Variants in PPFIA2 observed in about 807,000 individuals in gnomAD.
PPFIA2 encodes liprin-alpha-2.
PPFIA2 carries 46 observed loss-of-function variants against 175.5 expected under a neutral mutation model. The observed-to-expected ratio is 0.26, with a 90% CI of 0.21 to 0.34. The LOEUF is 0.34. Among genes scored for constraint, PPFIA2 ranks in the 10% least tolerant of loss-of-function variants. The pLI, the probability that PPFIA2 is intolerant of heterozygous loss-of-function variation, is 1.00. For missense variants in PPFIA2, 1,179 were observed against 1,506.1 expected, an observed-to-expected ratio of 0.78 and a Z score of 3.60; for synonymous variants, 568 against 511.4, an observed-to-expected ratio of 1.11 and a Z score of -1.49.
At chr12:81,551,681 T>A (rs2153369964) in intron 4 of PPFIA2, among the ~76,000 whole-genome samples, 1 of 152,090 alleles carries the variant, frequency 6.6e-6, no homozygotes, top group African/African-American at 2.4e-5. Flanking sequence ...TTTTTATAGT[T>A]ACTTATTTGT....
At chr12:81,658,166 G>T (rs901170026) in intron 4 of PPFIA2, among the ~76,000 whole-genome samples, 3 of 151,774 alleles carry the variant, frequency 2.0e-5, no homozygotes, top group Non-Finnish European at 4.4e-5. Flanking sequence ...TACTTGGGAG[G>T]CTGAGGCAGG....
At chr12:81,554,997 T>C (rs892157815) in intron 4 of PPFIA2, among the ~76,000 whole-genome samples, 58 of 151,940 alleles carry the variant, frequency 3.8e-4, no homozygotes, top group African/African-American at 1.4e-3. Flanking sequence ...AGAGTACAGT[T>C]TGTGATCAAA....
chr12:81,689,805 C>T (rs2075001334), intron 3 of PPFIA2, among the ~76,000 whole-genome samples: 1 of 151,966 alleles, frequency 6.6e-6, no homozygotes, highest in Admixed American at 6.6e-5. Flanking sequence ...ATACTTCCTC[C>T]CAAATGTAAC....
At chr12:81,327,833 T>C (rs1177009342) in intron 21 of PPFIA2, among the ~76,000 whole-genome samples, 1 of 152,140 alleles carries the variant, frequency 6.6e-6, no homozygotes, top group African/African-American at 2.4e-5. Flanking sequence ...AGACATTTTA[T>C]TTTCTCATAA....
intron 4 of PPFIA2, among the ~76,000 whole-genome samples, chr12:81,649,544 A>C (rs2066689502): frequency 6.6e-6 from 1 of 152,220 alleles, no homozygotes; most frequent in Non-Finnish European, 1.5e-5. Context: ...TGGAAAACAT[A>C]GAAATTCTAC....
At chr12:81,646,010 GA>G (rs1420536100) in intron 4 of PPFIA2, among the ~76,000 whole-genome samples, 1 of 152,164 alleles carries the variant, frequency 6.6e-6, no homozygotes, top group Non-Finnish European at 1.5e-5. Context: ...AGAGAGACAG[GA>G]AACCCTTCCA....
chr12:81,705,556 C>T (rs114581436), intron 3 of PPFIA2, among the ~76,000 whole-genome samples: 270 of 151,618 alleles, frequency 1.8e-3, no homozygotes, highest in African/African-American at 6.2e-3. Context: ...GGAAGATAAT[C>T]CTATGAACCT....
chr12:81,273,888 C>G (rs1049988057), intron 28 of PPFIA2, among the ~76,000 whole-genome samples: 2 of 151,406 alleles, frequency 1.3e-5, no homozygotes, highest in African/African-American at 2.4e-5. Flanking sequence ...TCCCCGCCCC[C>G]CCCCAAACCG....
intron 4 of PPFIA2, among the ~76,000 whole-genome samples, chr12:81,658,684 C>A (rs1298417542): frequency 1.3e-5 from 2 of 151,468 alleles, no homozygotes; most frequent in African/African-American, 4.8e-5. Context: ...CATACATATA[C>A]ATATATGATA....
At chr12:81,642,683 C>CATACATTTATGTATA (rs1567686433) in intron 4 of PPFIA2, among the ~76,000 whole-genome samples, 1 of 35,980 alleles carries the variant, frequency 2.8e-5, no homozygotes, top group Non-Finnish European at 5.3e-5. Context: ...ATGTATGTAT[C>CATACATTTATGTATA]TATTATATAC....
chr12:81,282,839 C>T (rs775091440), intron 26 of PPFIA2, 171 bp downstream of exon 26: 1 of 450,588 alleles, frequency 2.2e-6, no homozygotes, highest in South Asian at 6.2e-5. Context: ...AATATGGTAA[C>T]TTAAAAAGAC....
chr12:81,629,110 G>T (rs2063064750), intron 4 of PPFIA2, among the ~76,000 whole-genome samples: 1 of 152,084 alleles, frequency 6.6e-6, no homozygotes, highest in Admixed American at 6.6e-5. Context: ...AATGAGAAAT[G>T]AACATAAATG....
chr12:81,706,933 T>C (rs896943759), intron 3 of PPFIA2, among the ~76,000 whole-genome samples: 6 of 152,136 alleles, frequency 3.9e-5, no homozygotes, highest in South Asian at 2.1e-4. Flanking sequence ...GGATTCCCTA[T>C]TTAATAAATG....
At chr12:81,285,847 A>G (rs908621157) in intron 24 of PPFIA2, among the ~76,000 whole-genome samples, 3 of 151,932 alleles carry the variant, frequency 2.0e-5, no homozygotes, top group African/African-American at 7.3e-5. Flanking sequence ...TACTCCCTCT[A>G]CTTTTGTTTT....
At chr12:81,439,147 TTCTCTCTCTCTCTCTCTCCCTC>T in intron 7 of PPFIA2, among the ~76,000 whole-genome samples, 1 of 147,916 alleles carries the variant, frequency 6.8e-6, no homozygotes, top group Non-Finnish European at 1.5e-5. Flanking sequence ...CAGGTTAAAC[TTCTCTCTCTCTCTCTCTCCCTC>T]TCTCTCTCTC....
intron 4 of PPFIA2, among the ~76,000 whole-genome samples, chr12:81,510,087 A>G (rs886449353): frequency 6.6e-6 from 1 of 152,132 alleles, no homozygotes; most frequent in African/African-American, 2.4e-5. Flanking sequence ...CAAAATGTCA[A>G]TTGTATTTCA....
At chr12:81,666,128 T>C (rs1449526683) in intron 4 of PPFIA2, among the ~76,000 whole-genome samples, 3 of 152,150 alleles carry the variant, frequency 2.0e-5, no homozygotes, top group African/African-American at 4.8e-5. Flanking sequence ...CTGGAGAGGA[T>C]GTGGAGAAAT....
At chr12:81,267,101 T>A in intron 29 of PPFIA2, 81 bp from the exon 30 acceptor site, 1 of 1,040,586 alleles carries the variant, frequency 9.6e-7, no homozygotes, top group Non-Finnish European at 1.5e-6. Flanking sequence ...TATCTGATAA[T>A]GTATTATAAA....
chr12:81,394,096 C>T (rs1467439484), intron 8 of PPFIA2, among the ~76,000 whole-genome samples: 1 of 152,030 alleles, frequency 6.6e-6, no homozygotes, highest in Non-Finnish European at 1.5e-5. Flanking sequence ...AATTTACTCA[C>T]TTGTTACTTT....
Sources: allele counts gnomAD v4.1 joint callset (sites outside exome capture counted in the v4.1 genomes callset), GRCh38; gene constraint gnomAD v4.1.1; transcripts MANE v1.5; gene names NCBI Gene and HGNC (gene_info 2026-07-23, HGNC 2026-07-21).